Variants in SOHLH1 observed in about 807,000 individuals in gnomAD.
SOHLH1 encodes the protein spermatogenesis and oogenesis specific basic helix-loop-helix 1.
Under a neutral mutation model 36.2 loss-of-function variants are expected in SOHLH1, and 23 were observed. The observed-to-expected ratio is 0.64, with a 90% CI of 0.46 to 0.90. The LOEUF (loss-of-function observed/expected upper bound fraction) is 0.90, where lower values mean the gene tolerates loss of function less well. SOHLH1 is among the 40% of genes least tolerant of loss of function. The pLI is 0.00. For synonymous variants in SOHLH1, 289 were observed against 228.3 expected, an observed-to-expected ratio of 1.27 and a Z score of -2.40; for missense variants, 608 against 517.0, an observed-to-expected ratio of 1.18 and a Z score of -1.71.
chr9:135,697,764 G>T, intron 3 of SOHLH1, 137 bp from the exon 4 acceptor site: 1 of 1,060,364 alleles, frequency 9.4e-7, no homozygotes, highest in Non-Finnish European at 1.4e-6. Context: ...GGGGGCGAGA[G>T]TACAGGTTGA....
At chr9:135,696,400 G>A (rs184316361) in intron 5 of SOHLH1, among the ~76,000 whole-genome samples, 2 of 152,182 alleles carry the variant, frequency 1.3e-5, no homozygotes, top group East Asian at 3.9e-4. Context: ...CCTCCCTCCC[G>A]AGAGCACACG....
upstream of SOHLH1, among the ~76,000 whole-genome samples, chr9:135,701,280 G>A (rs1201991453): frequency 2.6e-5 from 4 of 152,176 alleles, no homozygotes; most frequent in Non-Finnish European, 4.4e-5. Context: ...GAGAAACAGG[G>A]AAGGACCCTC....
At chr9:135,694,024 A>T in intron 7 of SOHLH1, 1 of 1,427,084 alleles carries the variant, frequency 7.0e-7, no homozygotes, top group Non-Finnish European at 9.1e-7. Flanking sequence ...ACGGGCTCCC[A>T]AACACTAAAT....
rs143085310 is a variant in SOHLH1, at chr9:135,695,166, C to A, written c.759G>T (p.Leu253Phe). Residue 253 changes from leucine to phenylalanine, a missense_variant, in exon 6 of 8, where the codon TTG becomes TTT. Coordinates refer to ENST00000425225, the MANE Select transcript of SOHLH1 (RefSeq NM_001101677.2). ...CAAGGGCCTCCCCGCTCATCACGGG[C>A]AAGGTCTGCTGCTGCGAGAACGGAG... ...SWPPFSQQQT[L>F]PVMSGEALGW... 19 of 1,603,504 alleles carry A rather than the reference C, an allele frequency of 1.2e-5. No individual in the cohort carries two copies. In the Middle Eastern group the frequency reaches 5.5e-4, roughly 47 times the overall value.
At chr9:135,696,934 C>T in intron 4 of SOHLH1, 129 bp from the exon 5 acceptor site, 1 of 1,064,770 alleles carries the variant, frequency 9.4e-7, no homozygotes, top group Non-Finnish European at 1.4e-6. Context: ...CAGCATCAAG[C>T]CAGCCTCTGC....
At position 135,697,496 on chromosome 9, in the gene SOHLH1, A is replaced by G; in HGVS notation, c.467+10T>C. On this transcript the variant is annotated intron_variant, in intron 4 of 7. Coordinates refer to ENST00000425225, the MANE Select transcript of SOHLH1 (RefSeq NM_001101677.2). ...CCAGCCCTGGAGAGCGGGCCCCAGG[A>G]GACACTAACCGAGTCCCGCTGGACG... The G allele has an allele frequency of 3.1e-6, 5 of 1,608,398 alleles. No homozygotes were observed. The highest frequency in any genetic ancestry group is 4.2e-6 in the Non-Finnish European group (5 of 1,178,756).
At chr9:135,698,842 C>T (rs1834914086) in intron 2 of SOHLH1, among the ~76,000 whole-genome samples, 153 bp downstream of exon 2, 1 of 152,216 alleles carries the variant, frequency 6.6e-6, no homozygotes. Context: ...CAGGGCTTTT[C>T]TGGTTTACTT....
At chr9:135,697,667 G>A in intron 3 of SOHLH1, 40 bp from the exon 4 acceptor site, 1 of 1,596,454 alleles carries the variant, frequency 6.3e-7, no homozygotes, top group Non-Finnish European at 8.5e-7. Flanking sequence ...GACAGAGACA[G>A]TCAGCTGAGA....
upstream of SOHLH1, among the ~76,000 whole-genome samples, chr9:135,699,938 G>T (rs1242684778): frequency 6.6e-6 from 1 of 150,588 alleles, no homozygotes; most frequent in African/African-American, 2.4e-5. Context: ...GGAGGGGGAA[G>T]GGTACCCGCC....
chr9:135,699,437 C>T lies in SOHLH1; in HGVS notation c.31G>A (p.Glu11Lys). 2 of 1,612,324 alleles carry T rather than the reference C, an allele frequency of 1.2e-6. No homozygotes were observed. The highest frequency in any genetic ancestry group is 1.7e-6 in the Non-Finnish European group (2 of 1,179,800). MASRCSEPYP[E>K]VSRIPTVRGC... ...CTGACGGTAGGGATTCTGGAGACCT[C>T]CGGGTAGGGCTCGGAGCACCGGGAC... Residue 11 changes from glutamate to lysine, a missense_variant, in exon 1 of 8, where the codon GAG becomes AAG. Coordinates refer to ENST00000425225, the MANE Select transcript of SOHLH1 (RefSeq NM_001101677.2).
At chr9:135,700,506 C>T (rs1318398051), upstream of SOHLH1, among the ~76,000 whole-genome samples, 3 of 146,740 alleles carry the variant, frequency 2.0e-5, no homozygotes, top group South Asian at 2.2e-4. Flanking sequence ...GAGGTCGTAG[C>T]GGGAGGAGGT....
At chr9:135,699,578 A>G (rs908479511), upstream of SOHLH1, 11 of 1,055,178 alleles carry the variant, frequency 1.0e-5, 1 homozygote, top group African/African-American at 7.0e-5. Flanking sequence ...AGCCCACCCC[A>G]CCCCCACTTG....
chr9:135,694,198 A>C, intron 7 of SOHLH1, 189 bp downstream of exon 7: 1 of 1,443,594 alleles, frequency 6.9e-7, no homozygotes, highest in Non-Finnish European at 9.1e-7. Flanking sequence ...TCACTCACAC[A>C]CTCACATATC....
chr9:135,695,318 C>A, intron 5 of SOHLH1, 55 bp from the exon 6 acceptor site: 1 of 1,517,308 alleles, frequency 6.6e-7, no homozygotes, highest in South Asian at 1.2e-5. Flanking sequence ...CACAGGCTGC[C>A]CCCGAGGACC....
intron 2 of SOHLH1, among the ~76,000 whole-genome samples, chr9:135,698,786 G>A (rs532069): frequency 0.22 from 32,930 of 152,236 alleles, 3,631 homozygotes; most frequent in African/African-American, 0.23. Context: ...ACAGCCTCAA[G>A]AGGCCAAGGC....
At chr9:135,699,594 C>G, upstream of SOHLH1, 2 of 1,020,862 alleles carry the variant, frequency 2.0e-6, no homozygotes, top group Admixed American at 2.0e-5. Flanking sequence ...ACTTGCAATC[C>G]GCCCCCATAG....
At chr9:135,699,509 C>G (rs1258668449), upstream of SOHLH1, 4 of 1,592,756 alleles carry the variant, frequency 2.5e-6, no homozygotes, top group Non-Finnish European at 3.4e-6. Context: ...ACGGCCCCTT[C>G]CGCAGGCAGC....
At chr9:135,697,987 G>A (rs1040371721) in intron 3 of SOHLH1, among the ~76,000 whole-genome samples, 9 of 152,220 alleles carry the variant, frequency 5.9e-5, no homozygotes, top group East Asian at 1.9e-4. Flanking sequence ...TCTTGGAGAC[G>A]TGCAGAGAAA....
At chr9:135,701,165 C>G (rs1424057456), upstream of SOHLH1, among the ~76,000 whole-genome samples, 6 of 152,208 alleles carry the variant, frequency 3.9e-5, no homozygotes, top group Non-Finnish European at 7.3e-5. Context: ...AGCTGTGTGG[C>G]GGGGGCACAG....
Sources: allele counts gnomAD v4.1 joint callset (sites outside exome capture counted in the v4.1 genomes callset), GRCh38; gene constraint gnomAD v4.1.1; transcripts MANE v1.5; gene names NCBI Gene and HGNC (gene_info 2026-07-23, HGNC 2026-07-21).